The following RUSC2 variants were observed in gnomAD, a reference collection of about 807,000 sequenced individuals.
RUSC2 encodes RUN and SH3 domain containing 2, also known as AP-4 complex accessory subunit RUSC2.
In RUSC2, 34 loss-of-function variants were observed where a neutral mutation model predicts 122.2. That is an observed-to-expected ratio of 0.28 (90% CI 0.21 to 0.37). The LOEUF is 0.37. Among genes scored for constraint, RUSC2 ranks in the 10% least tolerant of loss-of-function variants. RUSC2 has a pLI of 1.00. For synonymous variants in RUSC2, 784 were observed against 790.0 expected, an observed-to-expected ratio of 0.99 and a Z score of 0.13; for missense variants, 1,747 against 1,952.4, an observed-to-expected ratio of 0.89 and a Z score of 1.98.
At chr9:35,556,284 G>A in intron 4 of RUSC2, 24 bp from the exon 5 acceptor site, 1 of 1,613,016 alleles carries the variant, frequency 6.2e-7, no homozygotes, top group Non-Finnish European at 8.5e-7. Flanking sequence ...AGTTGCTCAG[G>A]ATTGATTTTT....
intron 1 of RUSC2, among the ~76,000 whole-genome samples, chr9:35,528,336 A>G (rs1251436283): frequency 6.6e-6 from 1 of 151,822 alleles, no homozygotes; most frequent in Non-Finnish European, 1.5e-5. Flanking sequence ...GCGGGCTATG[A>G]TTGGGCCACT....
chr9:35,502,475 G>A (rs1222933149), intron 1 of RUSC2, among the ~76,000 whole-genome samples: 1 of 152,186 alleles, frequency 6.6e-6, no homozygotes, highest in African/African-American at 2.4e-5. Flanking sequence ...ACTTTTAGCT[G>A]TCCAGACTTT....
intron 4 of RUSC2, 29 bp from the exon 5 acceptor site, chr9:35,556,279 C>T (rs1002019375): frequency 1.2e-6 from 2 of 1,612,082 alleles, no homozygotes; most frequent in African/African-American, 2.7e-5. Flanking sequence ...CTGAGAGTTG[C>T]TCAGGATTGA....
chr9:35,503,156 C>T (rs1303715831), intron 1 of RUSC2, among the ~76,000 whole-genome samples: 3 of 152,124 alleles, frequency 2.0e-5, no homozygotes, highest in Non-Finnish European at 4.4e-5. Flanking sequence ...GCCACCGCAC[C>T]CAGCCAGATA....
At chr9:35,516,960 G>T (rs1045799017) in intron 1 of RUSC2, among the ~76,000 whole-genome samples, 2 of 152,090 alleles carry the variant, frequency 1.3e-5, no homozygotes, top group African/African-American at 4.8e-5. Flanking sequence ...ATGTTAATTA[G>T]CTTAATTTAA....
intron 1 of RUSC2, among the ~76,000 whole-genome samples, chr9:35,535,983 G>A (rs967682420): frequency 6.6e-6 from 1 of 152,212 alleles, no homozygotes; most frequent in Non-Finnish European, 1.5e-5. Flanking sequence ...TAATGGAGAT[G>A]TACAGATGAC....
chr9:35,548,577 G>A lies in RUSC2; in HGVS notation c.2014+42G>A. On this transcript the variant is annotated intron_variant, in intron 2 of 11. Coordinates refer to ENST00000361226, the MANE Select transcript of RUSC2 (RefSeq NM_014806.5). This position sits in a 1 kb window ranked among gnomAD's most constrained non-coding sequence, Gnocchi z 4.5. ...TTAGCAAATATGTGGCTATTCACCA[G>A]CAGGATATGCATGGCCACCTCCCTG... is the stretch of plus-strand genomic sequence containing the variant. The A allele has an allele frequency of 6.5e-7, 1 of 1,537,578 alleles. No homozygotes were observed. The highest frequency in any genetic ancestry group is 1.4e-5 in the African/African-American group (1 of 73,264).
chr9:35,545,388 A>AC lies in RUSC2; in HGVS notation c.-92-1041dup, dbSNP rs1821724557. Among the ~76,000 whole-genome samples the AC allele has an allele frequency of 2.0e-5, 3 of 152,268 alleles. No individual in the cohort carries two copies. In the South Asian group the frequency reaches 6.2e-4, roughly 31 times the overall value. ...ACTGTTGCGACCTGAACGTGGAAAC[A>AC]CAGGAGACTAGAACTTGAGCAGGCC... On this transcript the variant is annotated intron_variant, in intron 1 of 11. Transcript: ENST00000361226.
intron 1 of RUSC2, among the ~76,000 whole-genome samples, chr9:35,516,090 T>C (rs1204072565): frequency 6.8e-6 from 1 of 146,336 alleles, no homozygotes; most frequent in Non-Finnish European, 1.5e-5. Context: ...TAATTGCTAA[T>C]AATATTAGAA....
chr9:35,556,375 G>T lies in RUSC2; in HGVS notation c.2910G>T (p.Lys970Asn), dbSNP rs1353065860. Residue 970 changes from lysine to asparagine, a missense_variant, in exon 5 of 12, where the codon AAG becomes AAT. Coordinates refer to ENST00000361226, the MANE Select transcript of RUSC2 (RefSeq NM_014806.5). ...DFQDPFSLTE[K>N]PPAEFCLSPD... ...AGGACCCCTTTTCCTTGACGGAGAA[G>T]CCTCCAGCTGAGTTTTGTCTGTCCC... 1.2e-6 allele frequency: 2 copies of T among 1,614,076 alleles called. No homozygotes were observed. The highest frequency in any genetic ancestry group is 2.7e-5 in the African/African-American group (2 of 74,904).
In RUSC2 at chr9:35,555,668, G is replaced by A. The variant is rs756242834; in HGVS notation, c.2623G>A (p.Gly875Ser). The A allele has an allele frequency of 3.7e-6, 6 of 1,601,844 alleles. No individual in the cohort carries two copies. In the Admixed American group the frequency reaches 5.1e-5, roughly 14 times the overall value. ...AGCAGAGAGCCTGGCCCGGGGAGGTGGTGAGGGCAGCATGGCCACCAGGCC... is the reference window on the plus strand; with the variant it reads ...AGCAGAGAGCCTGGCCCGGGGAGGTAGTGAGGGCAGCATGGCCACCAGGCC... ...SRAESLARGG[G>S]EGSMATRPSN... Residue 875 changes from glycine to serine, a missense_variant, in exon 3 of 12, where the codon GGT (glycine) becomes AGT (serine). Coordinates refer to ENST00000361226, the MANE Select transcript of RUSC2 (RefSeq NM_014806.5). This position sits in a 1 kb window ranked among gnomAD's most constrained non-coding sequence, Gnocchi z 4.6.
Position 35,548,268 on chromosome 9 carries a change from CG to C in RUSC2, c.1753del (p.Ala585ProfsTer62). ...ACCCATCCAAGAAGCCCAGCAAGATCGGGGGGCCCCACTGGATGAGGGCACT... is the reference window on the plus strand; with the variant it reads ...ACCCATCCAAGAAGCCCAGCAAGATCGGGGGCCCCACTGGATGAGGGCACT... ...FSPIQEAQQD[R>X]GAPLDEGTCC... On this transcript the variant is annotated frameshift_variant, in exon 2 of 12. Transcript: ENST00000361226. LOFTEE classifies it high-confidence loss of function. The surrounding 1 kb of genome is among the most constrained non-coding windows in gnomAD (Gnocchi z 4.5). The C allele has an allele frequency of 6.2e-7, 1 of 1,613,940 alleles. No individual in the cohort carries two copies. The highest frequency in any genetic ancestry group is 8.5e-7 in the Non-Finnish European group (1 of 1,180,012).
At position 35,532,600 on chromosome 9, in the gene RUSC2, G is replaced by C. The variant is rs182454726; in HGVS notation, c.-92-13830G>C. ...TCTCTACCAAAACCACAAAAATATAGCTGGGTGTGGTGGCATGCACCTGTA... is the reference window on the plus strand; with the variant it reads ...TCTCTACCAAAACCACAAAAATATACCTGGGTGTGGTGGCATGCACCTGTA... On this transcript the variant is annotated intron_variant, in intron 1 of 11. Coordinates refer to ENST00000361226, the MANE Select transcript of RUSC2 (RefSeq NM_014806.5). Among the ~76,000 whole-genome samples the C allele has an allele frequency of 1.9e-3, 284 of 152,102 alleles. 2 individuals carry two copies. The highest frequency in any genetic ancestry group is 4.1e-4 in the Non-Finnish European group (28 of 67,990).
rs951070942 is a variant in RUSC2, at chr9:35,547,542, G to A, written c.1021G>A (p.Glu341Lys). The change falls in exon 2 of 12, where the codon GAA becomes AAA. Residue 341 changes from glutamate to lysine, a missense_variant. Physicochemically the swap from Glu to Lys is moderately conservative, Grantham distance 56. Transcript: ENST00000361226. The surrounding 1 kb of genome is among the most constrained non-coding windows in gnomAD (Gnocchi z 4.6). ...SKMSYESHHP[E>K]SGGREGGYGC... ...GATGTCTTATGAGTCCCATCACCCT[G>A]AAAGTGGAGGAAGGGAAGGGGGCTA... is the stretch of plus-strand genomic sequence containing the variant. The A allele has an allele frequency of 6.2e-7, 1 of 1,614,132 alleles. No individual in the cohort carries two copies.
At position 35,560,108 on chromosome 9, in the gene RUSC2, G is replaced by A; in HGVS notation, c.3468G>A (p.Leu1156=). 6.2e-7 allele frequency: 1 copy of A among 1,613,078 alleles called. No homozygotes were observed. The highest frequency in any genetic ancestry group is 1.1e-5 in the South Asian group (1 of 91,080). The change falls in exon 10 of 12, where the codon CTG becomes CTA. Residue 1156 remains leucine, a synonymous_variant. Transcript: ENST00000361226. ...TGTGTCCCGGCCTCTTTGAAGAGCT[G>A]CTGCTGCTGCTACAGCCCCTGGCCC... ...HTVCPGLFEE[L]LLLLQPLALL...
At position 35,555,181 on chromosome 9, in the gene RUSC2, C is replaced by T. The variant is rs781008748; in HGVS notation, c.2136C>T (p.Ala712=). 3 of 1,613,488 alleles carry T rather than the reference C, an allele frequency of 1.9e-6. No homozygotes were observed. In the African/African-American group the frequency reaches 4.0e-5, roughly 22 times the overall value. Residue 712 remains alanine, a synonymous_variant, in exon 3 of 12, where the codon GCC becomes GCT. Transcript: ENST00000361226. This position sits in a 1 kb window ranked among gnomAD's most constrained non-coding sequence, Gnocchi z 4.6. ...HFPKQLAKAR[A]LHSLSQLYSL... is the part of the protein sequence containing the mutation. ...CCAAGCAGCTGGCCAAGGCCCGGGC[C>T]CTCCACAGCCTTTCCCAGCTCTACA...
chr9:35,509,417 A>G (rs1485952356), intron 1 of RUSC2, among the ~76,000 whole-genome samples: 1 of 152,220 alleles, frequency 6.6e-6, no homozygotes, highest in Non-Finnish European at 1.5e-5. Flanking sequence ...TTCTGGTGAC[A>G]GTGAGCAATT....
chr9:35,509,858 G>A (rs548006635), intron 1 of RUSC2, among the ~76,000 whole-genome samples: 1 of 152,226 alleles, frequency 6.6e-6, no homozygotes, highest in South Asian at 2.1e-4. Flanking sequence ...CTGTAGGAAG[G>A]TATTATCCCC....
intron 1 of RUSC2, among the ~76,000 whole-genome samples, chr9:35,539,478 TG>T (rs1821600131): frequency 6.6e-6 from 1 of 152,126 alleles, no homozygotes; most frequent in African/African-American, 2.4e-5. Context: ...CTACAGCTAC[TG>T]TAAGTTTATG....
Sources: allele counts gnomAD v4.1 joint callset (sites outside exome capture counted in the v4.1 genomes callset), GRCh38; gene constraint gnomAD v4.1.1; non-coding constraint Gnocchi (gnomAD v3.1); transcripts MANE v1.5; gene names NCBI Gene and HGNC (gene_info 2026-07-23, HGNC 2026-07-21).